The following KRT8 variants were observed in gnomAD, a reference collection of about 807,000 sequenced individuals.
KRT8 encodes the protein keratin, type II cytoskeletal 8.
KRT8 carries 24 observed loss-of-function variants against 43.0 expected under a neutral mutation model. That is an observed-to-expected ratio of 0.56 (90% CI 0.40 to 0.78). KRT8 has a LOEUF of 0.78. KRT8 is among the 30% of genes least tolerant of loss of function. The pLI is 0.00. For synonymous variants in KRT8, 214 were observed against 261.2 expected (o/e 0.82, Z 1.74); for missense variants, 492 against 638.4 (o/e 0.77, Z 2.47).
intron 2 of KRT8, among the ~76,000 whole-genome samples, chr12:52,918,035 G>GGAGAAGAAGAAGAAGAAGAAGAA (rs1941782083): frequency 2.1e-5 from 1 of 48,546 alleles, no homozygotes. Context: ...AAGAGGAGGA[G>GGAGAAGAAGAAGAAGAAGAAGAA]GAGAAGAAGA....
exon 3 of KRT8, chr12:52,901,180 G>T (rs202170959): frequency 6.2e-7 from 1 of 1,611,708 alleles, no homozygotes; most frequent in Admixed American, 1.7e-5. Flanking sequence ...GGACAAATTC[G>T]TTCTCCATCT....
intron 2 of KRT8, among the ~76,000 whole-genome samples, chr12:52,922,184 TAAAAAAAAAAAAAAAAAAAAA>T (rs57023136): frequency 1.1e-3 from 44 of 38,728 alleles, no homozygotes; most frequent in African/African-American, 3.7e-3. Flanking sequence ...ACCCTGTCTC[TAAAAAAAAAAAAAAAAAAAAA>T]AAAAAAAAAA....
intron 2 of KRT8, chr12:52,948,964 C>T (rs1438776399): frequency 4.9e-6 from 2 of 407,588 alleles, no homozygotes; most frequent in East Asian, 4.3e-5. Flanking sequence ...CAGGGCTGCG[C>T]GGAGGGCGCG....
intron 2 of KRT8, among the ~76,000 whole-genome samples, chr12:52,920,585 G>A (rs1015576369): frequency 3.3e-5 from 5 of 151,632 alleles, no homozygotes; most frequent in Admixed American, 6.6e-5. Flanking sequence ...CAACAAGAGC[G>A]AAACTCCATC....
intron 6 of KRT8, 71 bp downstream of exon 6, chr12:52,898,608 G>A: frequency 1.9e-6 from 3 of 1,612,608 alleles, no homozygotes; most frequent in Middle Eastern, 1.7e-4. Context: ...GGGCTTCAGG[G>A]GGCTCCCACC....
intron 2 of KRT8, among the ~76,000 whole-genome samples, chr12:52,925,913 G>A (rs1213356064): frequency 6.6e-6 from 1 of 152,058 alleles, no homozygotes; most frequent in African/African-American, 2.4e-5. Flanking sequence ...TCTGAGCTGG[G>A]CCCCAGGTAG....
chr12:52,938,403 G>A (rs1592186372), intron 2 of KRT8, among the ~76,000 whole-genome samples: 1 of 151,520 alleles, frequency 6.6e-6, no homozygotes, highest in Non-Finnish European at 1.5e-5. Flanking sequence ...CTGGCCTCAA[G>A]TGATCCGTTT....
intron 7 of KRT8, among the ~76,000 whole-genome samples, chr12:52,898,200 C>T (rs80278094): frequency 0.024 from 3,584 of 152,242 alleles, 72 homozygotes; most frequent in Admixed American, 0.052. Context: ...TAAAATAAAT[C>T]ACATAAAACC....
chr12:52,929,185 TTTC>T (rs1289304417), intron 2 of KRT8, among the ~76,000 whole-genome samples: 2 of 85,770 alleles, frequency 2.3e-5, no homozygotes. Context: ...CCTTCCTTCC[TTTC>T]TTTTTTTTTT....
upstream of KRT8, among the ~76,000 whole-genome samples, chr12:52,905,269 C>A (rs1941488795): frequency 1.3e-5 from 2 of 152,112 alleles, no homozygotes; most frequent in Admixed American, 6.5e-5. Context: ...GCACCACCCC[C>A]AGAAACCCAG....
At chr12:52,919,155 G>A (rs78376373) in intron 2 of KRT8, among the ~76,000 whole-genome samples, 177 of 152,256 alleles carry the variant, frequency 1.2e-3, no homozygotes, top group African/African-American at 4.0e-3. Flanking sequence ...GCCTACTGAC[G>A]CCCACTTGCT....
Position 52,900,113 on chromosome 12 carries a change from G to A in KRT8, c.691-48C>T, listed in dbSNP as rs774710496. The A allele has an allele frequency of 2.5e-6, 4 of 1,597,450 alleles. No individual in the cohort carries two copies. In the South Asian group the frequency reaches 3.3e-5, roughly 13 times the overall value. On this transcript the variant is annotated intron_variant, in intron 4 of 7. Coordinates refer to ENST00000692008, the Ensembl canonical transcript of KRT8. ...GTGAGGCCCTGTCTCTGCACACAGG[G>A]AGCCCCCTTTTCCACAACAGCCTTT...
At chr12:52,921,261 A>T (rs1447170844) in intron 2 of KRT8, among the ~76,000 whole-genome samples, 1 of 152,130 alleles carries the variant, frequency 6.6e-6, no homozygotes, top group Non-Finnish European at 1.5e-5. Context: ...TGCCTCCCCA[A>T]GTTTCCTGGG....
chr12:52,901,094 T>C (rs2120559412), intron 3 of KRT8, 65 bp downstream of exon 3: 1 of 1,166,754 alleles, frequency 8.6e-7, no homozygotes, highest in Non-Finnish European at 1.3e-6. Flanking sequence ...CCCAGAAAGC[T>C]TCTTGGTCTG....
intron 2 of KRT8, chr12:52,926,565 T>G: frequency 9.8e-7 from 1 of 1,022,636 alleles, no homozygotes; most frequent in South Asian, 1.5e-5. Context: ...TAGGGCTTTG[T>G]TACACCCCTG....
chr12:52,945,735 C>T, intron 2 of KRT8, among the ~76,000 whole-genome samples: 1 of 152,110 alleles, frequency 6.6e-6, no homozygotes, highest in East Asian at 1.9e-4. Context: ...GGTGGAGAAC[C>T]ATTTCCCCTC....
At chr12:52,929,621 AATC>A (rs1203250829) in intron 2 of KRT8, among the ~76,000 whole-genome samples, 7 of 152,052 alleles carry the variant, frequency 4.6e-5, no homozygotes, top group African/African-American at 1.4e-4. Context: ...TTACACCTGT[AATC>A]ATTAATCTTC....
upstream of KRT8, chr12:52,906,569 G>A (rs1329182344): frequency 2.5e-6 from 1 of 403,890 alleles, no homozygotes; most frequent in Non-Finnish European, 5.0e-6. Context: ...CCCAGGCCTG[G>A]GTGGGGCCAG....
chr12:52,900,175 C>T (rs1286589239), intron 4 of KRT8, 110 bp from the exon 5 acceptor site: 10 of 1,139,300 alleles, frequency 8.8e-6, no homozygotes, highest in Non-Finnish European at 1.3e-5. Flanking sequence ...AGGAGAGGAG[C>T]AGGTGGGAGT....
Sources: gnomAD v4.1 joint callset for allele counts (sites outside exome capture counted in the v4.1 genomes callset) on GRCh38, gnomAD v4.1.1 for gene constraint, MANE v1.5 for transcripts, NCBI Gene and HGNC (gene_info 2026-07-23, HGNC 2026-07-21) for gene names.